TYR: variants seen among roughly 807,000 people sequenced by gnomAD.
TYR encodes the protein tyrosinase, also known as LB24-AB.
Under a neutral mutation model 51.5 loss-of-function variants are expected in TYR, and 58 were observed. The ratio of observed to expected loss-of-function variants is 1.13; its 90% CI spans 0.91 to 1.40. TYR has a LOEUF of 1.40. TYR is among the 40% of genes most tolerant of loss of function. The pLI, the probability that TYR is intolerant of heterozygous loss-of-function variation, is 0.00. For synonymous variants in TYR, 263 were observed against 235.2 expected, an observed-to-expected ratio of 1.12 and a Z score of -1.08; for missense variants, 732 against 647.4, an observed-to-expected ratio of 1.13 and a Z score of -1.42.
intron 3 of TYR, among the ~76,000 whole-genome samples, chr11:89,275,290 G>C (rs1354701427): frequency 6.6e-6 from 1 of 151,740 alleles, no homozygotes; most frequent in African/African-American, 2.4e-5. Flanking sequence ...GCTAATGCTT[G>C]GAACAAAACA....
intron 2 of TYR, among the ~76,000 whole-genome samples, chr11:89,218,823 T>C (rs1943869795): frequency 6.6e-6 from 1 of 152,184 alleles, no homozygotes. Flanking sequence ...GTAGAAAACA[T>C]GGATCATTAG....
intron 3 of TYR, among the ~76,000 whole-genome samples, chr11:89,258,260 T>C (rs1944418255): frequency 6.6e-6 from 1 of 151,972 alleles, no homozygotes; most frequent in Non-Finnish European, 1.5e-5. Flanking sequence ...CCTGATACCT[T>C]GAAAGTAGTG....
At chr11:89,248,529 T>C (rs1944294093) in intron 3 of TYR, among the ~76,000 whole-genome samples, 1 of 152,056 alleles carries the variant, frequency 6.6e-6, no homozygotes, top group African/African-American at 2.4e-5. Flanking sequence ...AAAGAGCTTG[T>C]CTTGCTTCAG....
chr11:89,227,920 G>A lies in TYR; in HGVS notation c.1134G>A (p.Gln378=). The change falls in exon 3 of 5, where the codon CAG becomes CAA. Residue 378 remains glutamine, a synonymous_variant. Transcript: ENST00000263321. The stretch of plus-strand genomic sequence containing the variant: ...TGAATGGAACAATGTCCCAGGTACA[G>A]GGATCTGCCAACGATCCTATCTTCC... ...IYMNGTMSQV[Q]GSANDPIFLL... The A allele has an allele frequency of 1.9e-6, 3 of 1,613,584 alleles. No homozygotes were observed. Among genetic ancestry groups the A allele is most frequent in the Non-Finnish European group, 2.5e-6 (3 of 1,179,724 alleles).
chr11:89,178,723 CCA>C lies in TYR; in HGVS notation c.773_774del (p.Thr258LysfsTer3), dbSNP rs1374400414. ...GATGAGTACATGGGAGGTCAGCACC[CCA>C]CAAATCCTAACTTACTCAGCCCAGC... On this transcript the variant is annotated frameshift_variant, in exon 1 of 5. Transcript: ENST00000263321. LOFTEE classifies it high-confidence loss of function. The C allele has an allele frequency of 1.2e-5, 19 of 1,614,072 alleles. No individual in the cohort carries two copies. The highest frequency in any genetic ancestry group is 1.6e-5 in the Non-Finnish European group (19 of 1,179,998).
intron 2 of TYR, among the ~76,000 whole-genome samples, chr11:89,219,928 A>C (rs1943885408): frequency 6.6e-6 from 1 of 152,206 alleles, no homozygotes; most frequent in Non-Finnish European, 1.5e-5. Flanking sequence ...ATTAAAGGAA[A>C]TAAAGGAACT....
chr11:89,243,908 A>C (rs867505559), intron 3 of TYR, among the ~76,000 whole-genome samples: 16 of 152,270 alleles, frequency 1.1e-4, no homozygotes, highest in African/African-American at 3.8e-4. Context: ...ATATTTAAAA[A>C]TATTCCATTT....
chr11:89,271,172 C>T (rs539291201), intron 3 of TYR, among the ~76,000 whole-genome samples: 4 of 151,892 alleles, frequency 2.6e-5, no homozygotes, highest in East Asian at 1.9e-4. Flanking sequence ...CTATGCTACA[C>T]GTTACTCTAA....
Position 89,178,593 on chromosome 11 carries a change from T to C in TYR, c.640T>C (p.Phe214Leu), listed in dbSNP as rs762002935. The C allele has an allele frequency of 3.1e-6, 5 of 1,613,246 alleles. No homozygotes were observed. The highest frequency in any genetic ancestry group is 4.5e-5 in the East Asian group (2 of 44,860). ...APAFLPWHRL[F>L]LLRWEQEIQK... ...AGCTTTTCTGCCTTGGCATAGACTC[T>C]TCTTGTTGCGGTGGGAACAAGAAAT... The change falls in exon 1 of 5, where the codon TTC becomes CTC. Residue 214 changes from phenylalanine (F) to leucine (L), a missense_variant. By Grantham distance (22) the Phe-to-Leu change is conservative. Transcript: ENST00000263321.
intron 2 of TYR, among the ~76,000 whole-genome samples, chr11:89,217,580 C>T (rs1333857067): frequency 1.3e-5 from 2 of 152,172 alleles, no homozygotes; most frequent in Non-Finnish European, 2.9e-5. Flanking sequence ...ATGTGAGGTT[C>T]ATTGTGCATC....
In TYR at chr11:89,242,250, C is replaced by G. The variant is rs547132258; in HGVS notation, c.1184+14280C>G. On this transcript the variant is annotated intron_variant, in intron 3 of 4. Coordinates refer to ENST00000263321, the MANE Select transcript of TYR (RefSeq NM_000372.5). The stretch of plus-strand genomic sequence containing the variant: ...TGAGATGGGGTCTTTCTCTGTTGTC[C>G]AGGCTGGAGTGCAGTGGTGCAATCT... 2.0e-5 allele frequency among the ~76,000 whole-genome samples: 3 copies of G among 152,134 alleles called. No homozygotes were observed. In the East Asian group the frequency reaches 5.8e-4, roughly 29 times the overall value.
At chr11:89,240,611 C>G (rs985676857) in intron 3 of TYR, among the ~76,000 whole-genome samples, 4 of 151,808 alleles carry the variant, frequency 2.6e-5, no homozygotes, top group African/African-American at 9.7e-5. Flanking sequence ...TTAATTCAGT[C>G]ATTTGTTCAT....
chr11:89,249,232 G>A (rs752633556), intron 3 of TYR, among the ~76,000 whole-genome samples: 10 of 151,934 alleles, frequency 6.6e-5, no homozygotes, highest in African/African-American at 9.7e-5. Flanking sequence ...TAATCACTTC[G>A]TGTTATTTAA....
At chr11:89,238,504 G>A (rs933130517) in intron 3 of TYR, among the ~76,000 whole-genome samples, 1 of 151,994 alleles carries the variant, frequency 6.6e-6, no homozygotes, top group Non-Finnish European at 1.5e-5. Context: ...ATTTCTTAGG[G>A]TTTTCAGTAT....
intron 3 of TYR, among the ~76,000 whole-genome samples, chr11:89,275,587 C>T (rs1590895004): frequency 6.6e-6 from 1 of 151,854 alleles, no homozygotes; most frequent in Admixed American, 6.6e-5. Context: ...AAACTTTAGC[C>T]AAATTAAATT....
At chr11:89,188,694 A>AT (rs1943406443) in intron 1 of TYR, among the ~76,000 whole-genome samples, 2 of 152,090 alleles carry the variant, frequency 1.3e-5, no homozygotes, top group South Asian at 4.1e-4. Flanking sequence ...GCTGAATATG[A>AT]TGTTAAATAG....
intron 2 of TYR, among the ~76,000 whole-genome samples, chr11:89,197,279 T>G (rs962497757): frequency 2.0e-5 from 3 of 152,148 alleles, no homozygotes; most frequent in African/African-American, 7.2e-5. Flanking sequence ...TATACCAGTG[T>G]CTCTCAATCT....
chr11:89,202,570 C>T (rs185973692), intron 2 of TYR, among the ~76,000 whole-genome samples: 49 of 149,250 alleles, frequency 3.3e-4, no homozygotes, highest in African/African-American at 1.2e-3. Flanking sequence ...GCAGTCCTAA[C>T]GTGTTGATGT....
chr11:89,288,959 A>G lies in TYR; in HGVS notation c.1366+4005A>G, dbSNP rs74411992. Among the ~76,000 whole-genome samples, 1,274 of 152,066 alleles carry G rather than the reference A, an allele frequency of 8.4e-3. 11 individuals carry two copies. The highest frequency in any genetic ancestry group is 0.027 in the Middle Eastern group (8 of 292). On this transcript the variant is annotated intron_variant, in intron 4 of 4. Coordinates refer to ENST00000263321, the MANE Select transcript of TYR (RefSeq NM_000372.5). ...TCATCAACCAGGTACTCATGTTTATAATTACTTAAGTGGTTTCTGTAAAAA... is the reference window on the plus strand; with the variant it reads ...TCATCAACCAGGTACTCATGTTTATGATTACTTAAGTGGTTTCTGTAAAAA...
Sources: gnomAD v4.1 joint callset for allele counts (sites outside exome capture counted in the v4.1 genomes callset) on GRCh38, gnomAD v4.1.1 for gene constraint, MANE v1.5 for transcripts, NCBI Gene and HGNC (gene_info 2026-07-23, HGNC 2026-07-21) for gene names.